Variants in KIF7 observed in about 807,000 individuals in gnomAD.
KIF7 encodes kinesin family member 7.
A neutral mutation model predicts 135.7 loss-of-function variants in KIF7; 104 were observed. The observed-to-expected ratio is 0.77, with a 90% confidence interval of 0.65 to 0.90. The LOEUF is 0.90. KIF7 is among the 40% of genes least tolerant of loss of function. The pLI, the probability that KIF7 is intolerant of heterozygous loss-of-function variation, is 0.00. For synonymous variants in KIF7, 883 were observed against 809.4 expected (o/e 1.09, Z -1.54); for missense variants, 2,005 against 1,839.1 (o/e 1.09, Z -1.65).
chr15:89,640,360 G>A (rs1036366626), intron 11 of KIF7, among the ~76,000 whole-genome samples: 1 of 151,998 alleles, frequency 6.6e-6, no homozygotes, highest in Non-Finnish European at 1.5e-5. Context: ...CGACATTTAC[G>A]CACCAGGCAC....
chr15:89,632,840 T>C lies in KIF7; in HGVS notation c.2875A>G (p.Lys959Glu), dbSNP rs754318099. The part of the protein sequence containing the change: ...LMQEKTGLES[K>E]RLRSSQALNE... ...CTCACCTGGCTGGATCTCAGGCGCT[T>C]GCTCTCCAGCCCCGTCTTCTCCTGC... Residue 959 changes from lysine (K) to glutamate (E), a missense_variant, in exon 14 of 19, where the codon AAG becomes GAG. Coordinates refer to ENST00000394412, the MANE Select transcript of KIF7 (RefSeq NM_198525.3). 2 of 1,607,706 alleles carry C rather than the reference T, an allele frequency of 1.2e-6. No individual in the cohort carries two copies. Among genetic ancestry groups the C allele is most frequent in the South Asian group, 2.2e-5 (2 of 90,686 alleles).
At chr15:89,639,097 G>A (rs1596072508) in intron 11 of KIF7, among the ~76,000 whole-genome samples, 1 of 151,608 alleles carries the variant, frequency 6.6e-6, no homozygotes, top group Non-Finnish European at 1.5e-5. Context: ...TATGTAGAAA[G>A]CTGAAACTGG....
Position 89,628,695 on chromosome 15 carries a change from G to A in KIF7, c.3756C>T (p.Ser1252=). The change falls in exon 19 of 19, where the codon TCC becomes TCT. Residue 1252 remains serine, a synonymous_variant. Coordinates refer to ENST00000394412, the MANE Select transcript of KIF7 (RefSeq NM_198525.3). The part of the protein sequence containing the change: ...LHLAPELLWL[S]PLTEGAPRTR... ...TGCGGGGGGCCCCCTCAGTGAGGGG[G>A]GACAGCCAGAGAAGCTCGGGTGCCA... 5 of 1,613,038 alleles carry A rather than the reference G, an allele frequency of 3.1e-6. No homozygotes were observed. The highest frequency in any genetic ancestry group is 1.3e-5 in the African/African-American group (1 of 75,036).
Position 89,628,728 on chromosome 15 carries a change from C to T in KIF7, c.3723G>A (p.Glu1241=), listed in dbSNP as rs775895621. 1.2e-6 allele frequency: 2 copies of T among 1,612,844 alleles called. No homozygotes were observed. Among genetic ancestry groups the T allele is most frequent in the East Asian group, 2.2e-5 (1 of 44,836 alleles). ...EGRQAPGNED[E]LHLAPELLWL... ...AGAGAAGCTCGGGTGCCAGGTGGAG[C>T]TCATCTTCATTTCCAGGAGCCTGTC... is the stretch of plus-strand genomic sequence containing the variant. The change falls in exon 19 of 19, where the codon GAG becomes GAA. Residue 1241 remains glutamate, a synonymous_variant. Coordinates refer to ENST00000394412, the MANE Select transcript of KIF7 (RefSeq NM_198525.3).
At chr15:89,621,957 T>C (rs2141982046) in intron 1 of KIF7, among the ~76,000 whole-genome samples, 1 of 146,512 alleles carries the variant, frequency 6.8e-6, no homozygotes, top group South Asian at 2.2e-4. Context: ...AGTCGAGTCC[T>C]GCCCATTTTA....
chr15:89,631,805 TC>T, intron 14 of KIF7, 95 bp from the exon 15 acceptor site: 1 of 1,101,370 alleles, frequency 9.1e-7, no homozygotes. Context: ...CTTGCGTCCT[TC>T]CCTCAAGAAA....
At chr15:89,635,523 G>C (rs1963787663) in intron 11 of KIF7, among the ~76,000 whole-genome samples, 1 of 152,244 alleles carries the variant, frequency 6.6e-6, no homozygotes, top group Admixed American at 6.5e-5. Context: ...AGAACTACGT[G>C]AAGAATGCAG....
Position 89,628,336 on chromosome 15 carries a change from T to G in KIF7, c.*83A>C. 1 of 1,509,000 alleles carries G rather than the reference T, an allele frequency of 6.6e-7. No homozygotes were observed. The highest frequency in any genetic ancestry group is 2.2e-5 in the Admixed American group (1 of 46,446). The allele number at this position is 1,509,000 out of a possible 1,614,324, so 93.5% of individuals were successfully genotyped here. ...TGGATTTAGGGTGTGCGGTAAGGAC[T>G]GCCCTTCACAGAAGCAAAACAGGCA... On this transcript the variant is annotated 3_prime_UTR_variant, in exon 19 of 19. Transcript: ENST00000394412.
At position 89,645,382 on chromosome 15, in the gene KIF7, T is replaced by C; in HGVS notation, c.1992A>G (p.Pro664=). Residue 664 remains proline, a synonymous_variant, in exon 9 of 19, where the codon CCA becomes CCG. Coordinates refer to ENST00000394412, the MANE Select transcript of KIF7 (RefSeq NM_198525.3). ...RPGSLPERKG[P]ELCLEELDAA... ...CATCCAACTCCTCAAGGCAAAGCTC[T>C]GGGCCCTTCCTCTCTGGCAGACTCC... 1 of 1,614,110 alleles carries C rather than the reference T, an allele frequency of 6.2e-7. No individual in the cohort carries two copies. The highest frequency in any genetic ancestry group is 1.1e-5 in the South Asian group (1 of 91,086).
intron 1 of KIF7, chr15:89,618,214 A>G (rs571612694): frequency 6.2e-7 from 1 of 1,613,770 alleles, no homozygotes; most frequent in South Asian, 1.1e-5. Flanking sequence ...GGAGATGGTG[A>G]GTGTTATCTC....
chr15:89,629,048 C>A lies in KIF7; in HGVS notation c.3592G>T (p.Gly1198Cys). Residue 1198 changes from glycine (G) to cysteine (C), a missense_variant, in exon 18 of 19, where the codon GGC becomes TGC. Transcript: ENST00000394412. ...TCCTGGTTTATCCACATGTAACGGC[C>A]CAGTTCCTTCTCCAGAGCTTGAATC... is the stretch of plus-strand genomic sequence containing the variant. ...ARIQALEKEL[G>C]RYMWINQELK... 2 of 1,613,538 alleles carry A rather than the reference C, an allele frequency of 1.2e-6. No individual in the cohort carries two copies. Among genetic ancestry groups the A allele is most frequent in the Non-Finnish European group, 8.5e-7 (1 of 1,179,948 alleles).
chr15:89,638,928 T>C lies in KIF7; in HGVS notation c.2394+3275A>G, dbSNP rs1414160659. ...GGCTACAGTAACCAAAACAGCATGG[T>C]ACTGGTACCAAAACAGAGATATAGA... On this transcript the variant is annotated intron_variant, in intron 11 of 18. Transcript: ENST00000394412. Among the ~76,000 whole-genome samples the C allele has an allele frequency of 7.2e-5, 11 of 152,008 alleles. No homozygotes were observed. In the East Asian group the frequency reaches 2.1e-3, roughly 29 times the overall value.
At position 89,649,283 on chromosome 15, in the gene KIF7, G is replaced by C. The variant is rs745680789; in HGVS notation, c.614C>G (p.Thr205Arg). 1 of 1,510,898 alleles carries C rather than the reference G, an allele frequency of 6.6e-7. No individual in the cohort carries two copies. Among genetic ancestry groups the C allele is most frequent in the Non-Finnish European group, 8.9e-7 (1 of 1,125,020 alleles). The allele number at this position is 1,510,898 out of a possible 1,614,324, so 93.6% of individuals were successfully genotyped here. ...LLEMGNAARH[T>R]GATHLNHLSS... is the part of the protein sequence containing the mutation. The stretch of plus-strand genomic sequence containing the variant: ...CAGGTGGTTGAGGTGCGTGGCTCCC[G>C]TGTGCCGCGCCGCGTTGCCCATCTC... Residue 205 changes from threonine to arginine, a missense_variant, in exon 4 of 19, where the codon ACG becomes AGG. Transcript: ENST00000394412.
rs1364116609 is a variant in KIF7, at chr15:89,652,892, C to T, written c.39G>A (p.Glu13=). Residue 13 remains glutamate, a synonymous_variant, in exon 2 of 19, where the codon GAG becomes GAA. Transcript: ENST00000394412. ...LEAQRLPGAE[E]APVRVALRVR... ...CTCGCAGGGCAACCCGCACTGGGGC[C>T]TCCTCAGCCCCTGGCAGCCTCTGAG... 6.5e-7 allele frequency: 1 copy of T among 1,534,356 alleles called. No individual in the cohort carries two copies. The highest frequency in any genetic ancestry group is 2.5e-5 in the East Asian group (1 of 40,618).
intron 2 of KIF7, among the ~76,000 whole-genome samples, chr15:89,651,296 C>T (rs943234232): frequency 1.3e-4 from 20 of 152,154 alleles, no homozygotes; most frequent in Admixed American, 3.3e-4. Flanking sequence ...GACAGGGTTT[C>T]ACCATGTTGG....
At chr15:89,618,652 A>G (rs1963374527) in intron 1 of KIF7, among the ~76,000 whole-genome samples, 1 of 152,218 alleles carries the variant, frequency 6.6e-6, no homozygotes, top group African/African-American at 2.4e-5. Flanking sequence ...GCAGGTGATC[A>G]GTAAGCACAT....
chr15:89,640,673 G>C (rs761802477), intron 11 of KIF7, among the ~76,000 whole-genome samples: 2 of 152,078 alleles, frequency 1.3e-5, no homozygotes, highest in East Asian at 1.9e-4. Context: ...CTAGGTGGGC[G>C]AGATCATATG....
intron 11 of KIF7, 128 bp from the exon 12 acceptor site, chr15:89,634,011 A>G: frequency 2.0e-6 from 2 of 980,702 alleles, no homozygotes; most frequent in Non-Finnish European, 3.2e-6. Flanking sequence ...CAATAATAAT[A>G]ACAGAGGCCG....
chr15:89,640,736 G>GA (rs1274046330), intron 11 of KIF7, among the ~76,000 whole-genome samples: 1 of 151,170 alleles, frequency 6.6e-6, no homozygotes, highest in Non-Finnish European at 1.5e-5. Context: ...TGCAATCCCA[G>GA]AACTTTTGGG....
Sources: gnomAD v4.1 joint callset for allele counts (sites outside exome capture counted in the v4.1 genomes callset) on GRCh38, gnomAD v4.1.1 for gene constraint, MANE v1.5 for transcripts, NCBI Gene and HGNC (gene_info 2026-07-23, HGNC 2026-07-21) for gene names.